CAMTA1: variants seen among roughly 807,000 people sequenced by gnomAD.
The protein encoded by CAMTA1 is calmodulin-binding transcription activator 1.
In CAMTA1, 27 loss-of-function variants were observed where a neutral mutation model predicts 170.9. The ratio of observed to expected loss-of-function variants is 0.16; its 90% CI spans 0.12 to 0.22. CAMTA1 has a LOEUF of 0.22. CAMTA1 is among the 10% of genes least tolerant of loss of function. The probability of loss-of-function intolerance (pLI) is 1.00; values close to 1 mark genes in which losing one functional copy is unlikely to be tolerated. For missense variants in CAMTA1, 1,619 were observed against 2,217.2 expected, an observed-to-expected ratio of 0.73 and a Z score of 5.42; for synonymous variants, 833 against 891.5, an observed-to-expected ratio of 0.93 and a Z score of 1.17.
At chr1:6,851,337 AAAC>A (rs1660294950) in intron 3 of CAMTA1, among the ~76,000 whole-genome samples, 1 of 152,228 alleles carries the variant, frequency 6.6e-6, no homozygotes, top group African/African-American at 2.4e-5. Flanking sequence ...AATAAGTAGA[AAAC>A]AAATGTTCAG....
intron 5 of CAMTA1, among the ~76,000 whole-genome samples, chr1:7,415,384 G>A (rs2091088526): frequency 1.3e-5 from 2 of 151,744 alleles, no homozygotes; most frequent in Non-Finnish European, 2.9e-5. Context: ...TTATTATTGT[G>A]TGGGAGTCTA....
intron 4 of CAMTA1, among the ~76,000 whole-genome samples, chr1:7,196,418 T>C (rs1244954784): frequency 6.6e-6 from 1 of 152,156 alleles, no homozygotes; most frequent in African/African-American, 2.4e-5. Context: ...AAAACATACA[T>C]TCTTAGAGAT....
At chr1:6,792,945 T>A (rs1459876257) in intron 1 of CAMTA1, among the ~76,000 whole-genome samples, 1 of 152,110 alleles carries the variant, frequency 6.6e-6, no homozygotes, top group East Asian at 1.9e-4. Context: ...TTCTTAATAG[T>A]TTTAAACATG....
chr1:6,860,433 G>A (rs1355985550), intron 3 of CAMTA1, among the ~76,000 whole-genome samples: 1 of 152,104 alleles, frequency 6.6e-6, no homozygotes, highest in Non-Finnish European at 1.5e-5. Flanking sequence ...TTGAGATGTT[G>A]CCATTACCAT....
At chr1:6,873,598 G>T (rs1452371419) in intron 3 of CAMTA1, among the ~76,000 whole-genome samples, 14 of 152,210 alleles carry the variant, frequency 9.2e-5, no homozygotes, top group Admixed American at 8.5e-4. Context: ...TTATTTGTAA[G>T]TCCAGTAGCA....
chr1:7,328,842 C>G (rs1201183159), intron 5 of CAMTA1, among the ~76,000 whole-genome samples: 1 of 152,096 alleles, frequency 6.6e-6, no homozygotes, highest in Non-Finnish European at 1.5e-5. Flanking sequence ...CCTTATCATA[C>G]TTTCATTTTC....
At chr1:7,262,867 G>T (rs142162299) in intron 5 of CAMTA1, among the ~76,000 whole-genome samples, 5 of 152,334 alleles carry the variant, frequency 3.3e-5, no homozygotes, top group Admixed American at 1.3e-4. Context: ...AAGGGTGGTT[G>T]CTTCCTCCCA....
rs755738583 is a variant in CAMTA1 at position 7,766,509 on chromosome 1, C to G, written c.*18C>G. The G allele has an allele frequency of 1.2e-6, 2 of 1,612,430 alleles. No homozygotes were observed. The highest frequency in any genetic ancestry group is 2.2e-5 in the South Asian group (2 of 91,062). ...GAACTTGAAGACATACAGCAGCATC[C>G]CTTAGCAATGTGACATTGCTTTTCA... On this transcript the variant is annotated 3_prime_UTR_variant, in exon 23 of 23. Coordinates refer to ENST00000303635, the MANE Select transcript of CAMTA1 (RefSeq NM_015215.4).
chr1:7,739,718 A>G (rs985485822), intron 16 of CAMTA1, among the ~76,000 whole-genome samples: 4 of 152,212 alleles, frequency 2.6e-5, no homozygotes, highest in African/African-American at 9.6e-5. Flanking sequence ...CGAGAACAGT[A>G]TGGAGGAAAC....
Position 7,680,842 on chromosome 1 carries a change from A to ACGCGCGCG in CAMTA1, c.2914+3121_2914+3128dup, listed in dbSNP as rs1553247058. Among the ~76,000 whole-genome samples, 5 of 141,052 alleles carry ACGCGCGCG rather than the reference A, an allele frequency of 3.5e-5. No homozygotes were observed. Among genetic ancestry groups the ACGCGCGCG allele is most frequent in the Non-Finnish European group, 6.3e-5 (4 of 63,774 alleles). 92.5% of individuals were successfully genotyped at this position (141,052 alleles called of 152,430 possible). On this transcript the variant is annotated intron_variant, in intron 11 of 22. Transcript: ENST00000303635. This position sits in a 1 kb window ranked among gnomAD's most constrained non-coding sequence, Gnocchi z 4.4. Reference sequence around the variant, plus strand: ...GGCGTGGGTCCGGGGCGCAGAGAACACGCGCGCGCGCGCGCGCGCCAGCAG... The same window carrying ACGCGCGCG: ...GGCGTGGGTCCGGGGCGCAGAGAACACGCGCGCGCGCGCGCGCGCGCGCGCGCCAGCAG...
chr1:7,311,520 T>G (rs1012217312), intron 5 of CAMTA1, among the ~76,000 whole-genome samples: 10 of 152,240 alleles, frequency 6.6e-5, no homozygotes, highest in Non-Finnish European at 1.0e-4. Flanking sequence ...CCCTTACTTC[T>G]TGGAACATTT....
chr1:7,497,800 C>T (rs936702839), intron 6 of CAMTA1, among the ~76,000 whole-genome samples: 2 of 152,154 alleles, frequency 1.3e-5, no homozygotes, highest in East Asian at 1.9e-4. Context: ...AGGGGGGCAG[C>T]GCTAGACACC....
intron 3 of CAMTA1, among the ~76,000 whole-genome samples, chr1:6,871,275 G>A (rs571587617): frequency 2.2e-4 from 33 of 152,114 alleles, no homozygotes; most frequent in South Asian, 8.3e-4. Context: ...ATAGTTACAC[G>A]GTTTATTTTA....
intron 3 of CAMTA1, among the ~76,000 whole-genome samples, chr1:7,078,894 T>A (rs12042019): frequency 0.25 from 37,255 of 151,910 alleles, 4,628 homozygotes; most frequent in East Asian, 0.33. Context: ...GAGAGGTTGA[T>A]ACATCTAGAA....
At chr1:6,940,601 C>T (rs1191570284) in intron 3 of CAMTA1, among the ~76,000 whole-genome samples, 2 of 152,184 alleles carry the variant, frequency 1.3e-5, no homozygotes, top group Admixed American at 6.5e-5. Context: ...TCCTGGGGAC[C>T]TAGTGCCAGG....
chr1:7,040,585 G>A (rs780356092), intron 3 of CAMTA1, among the ~76,000 whole-genome samples: 4 of 152,058 alleles, frequency 2.6e-5, no homozygotes, highest in South Asian at 2.1e-4. Context: ...CAGCTTGCCC[G>A]TCTCCCAGGT....
chr1:7,099,550 T>C (rs1642475377), intron 4 of CAMTA1, among the ~76,000 whole-genome samples: 1 of 152,216 alleles, frequency 6.6e-6, no homozygotes, highest in African/African-American at 2.4e-5. Context: ...TTTCTTGATT[T>C]GTCAATTTTA....
chr1:6,803,680 G>A (rs144354750), intron 1 of CAMTA1, among the ~76,000 whole-genome samples: 39 of 152,242 alleles, frequency 2.6e-4, no homozygotes, highest in African/African-American at 9.4e-4. Context: ...CCTTCACAGT[G>A]GTTTCAGTAG....
chr1:7,738,911 A>G lies in CAMTA1; in HGVS notation c.4182+429A>G, dbSNP rs1396644245. On this transcript the variant is annotated intron_variant, in intron 16 of 22. Coordinates refer to ENST00000303635, the MANE Select transcript of CAMTA1 (RefSeq NM_015215.4). The surrounding 1 kb of genome is among the most constrained non-coding windows in gnomAD (Gnocchi z 4.9). ...TTATCTGAGTGACCTTGATCGGCAT[A>G]GCTATCATCTAGCCATTGTAAAGGG... Among the ~76,000 whole-genome samples the G allele has an allele frequency of 6.6e-6, 1 of 152,224 alleles. No individual in the cohort carries two copies. The highest frequency in any genetic ancestry group is 2.4e-5 in the African/African-American group (1 of 41,456).
Sources: allele counts gnomAD v4.1 joint callset (sites outside exome capture counted in the v4.1 genomes callset), GRCh38; gene constraint gnomAD v4.1.1; non-coding constraint Gnocchi (gnomAD v3.1); transcripts MANE v1.5; gene names NCBI Gene and HGNC (gene_info 2026-07-23, HGNC 2026-07-21).